Variants in PCDH11X observed in about 807,000 individuals in gnomAD.
PCDH11X encodes the protein protocadherin-11 X-linked.
A neutral mutation model predicts 53.3 loss-of-function variants in PCDH11X; 18 were observed. That is an observed-to-expected ratio of 0.34 (90% CI 0.23 to 0.50). The LOEUF is 0.50. PCDH11X is among the 20% of genes least tolerant of loss of function. PCDH11X has a pLI of 0.98. For missense variants in PCDH11X, 570 were observed against 1,032.4 expected, an observed-to-expected ratio of 0.55 and a Z score of 6.14; for synonymous variants, 279 against 393.3, an observed-to-expected ratio of 0.71 and a Z score of 3.44.
chrX:92,538,088 A>G (rs111820989), intron 10 of PCDH11X, among the ~76,000 whole-genome samples: 2,480 of 104,019 alleles, frequency 0.024, 75 homozygotes, highest in African/African-American at 0.082. Context: ...TATGTCTTTT[A>G]TTAAATTTAC....
At chrX:91,949,825 G>A (rs1404155248) in intron 6 of PCDH11X, among the ~76,000 whole-genome samples, 1 of 108,051 alleles carries the variant, frequency 9.3e-6, no homozygotes, top group Non-Finnish European at 1.9e-5. Context: ...TAAAATTTCA[G>A]TAAAAAAGAA....
chrX:92,527,452 T>G (rs994701770), intron 10 of PCDH11X, among the ~76,000 whole-genome samples: 1 of 110,951 alleles, frequency 9.0e-6, no homozygotes, highest in African/African-American at 3.3e-5. Flanking sequence ...AATAAAAGTA[T>G]TATGATTTCA....
At chrX:92,192,939 A>G (rs753325826) in intron 6 of PCDH11X, among the ~76,000 whole-genome samples, 9 of 111,491 alleles carry the variant, frequency 8.1e-5, no homozygotes, top group African/African-American at 2.3e-4. Context: ...AGGTTTCACC[A>G]TGTTGGCCAG....
At chrX:92,528,262 G>A (rs1277483946) in intron 10 of PCDH11X, among the ~76,000 whole-genome samples, 2 of 112,220 alleles carry the variant, frequency 1.8e-5, no homozygotes, top group African/African-American at 3.2e-5. Context: ...TATCCTGCAT[G>A]TATTTAATGA....
At chrX:92,319,723 G>C (rs1340308031) in intron 8 of PCDH11X, among the ~76,000 whole-genome samples, 6 of 111,210 alleles carry the variant, frequency 5.4e-5, no homozygotes, top group African/African-American at 2.0e-4. Flanking sequence ...ATTATCAGGA[G>C]AGTGAAATGA....
intron 9 of PCDH11X, among the ~76,000 whole-genome samples, chrX:92,389,641 A>G (rs2071082896): frequency 9.0e-6 from 1 of 111,285 alleles, no homozygotes; most frequent in African/African-American, 3.3e-5. Flanking sequence ...TGATAATAAT[A>G]GGAGAATTGG....
At chrX:92,045,871 C>T (rs1426429856) in intron 6 of PCDH11X, among the ~76,000 whole-genome samples, 1 of 107,060 alleles carries the variant, frequency 9.3e-6, no homozygotes, top group Non-Finnish European at 1.9e-5. Context: ...CCTGGAAGGC[C>T]GAGGTTGCAG....
intron 9 of PCDH11X, among the ~76,000 whole-genome samples, chrX:92,462,659 C>T (rs1382782332): frequency 2.7e-5 from 3 of 109,333 alleles, no homozygotes; most frequent in Admixed American, 9.8e-5. Flanking sequence ...ATTATCATAA[C>T]TGCTTCATGT....
chrX:92,450,009 A>G (rs1157615858), intron 9 of PCDH11X, among the ~76,000 whole-genome samples: 1 of 111,444 alleles, frequency 9.0e-6, no homozygotes, highest in Non-Finnish European at 1.9e-5. Flanking sequence ...TATTGAATAA[A>G]TAATAACTTT....
chrX:91,980,619 G>A (rs2062114078), intron 6 of PCDH11X, among the ~76,000 whole-genome samples: 1 of 107,261 alleles, frequency 9.3e-6, no homozygotes, highest in African/African-American at 3.4e-5. Flanking sequence ...GTTTATAGTA[G>A]GGACAAGGTC....
chrX:92,239,914 A>G lies in PCDH11X; in HGVS notation c.3115-23200A>G, dbSNP rs1219528595. On this transcript the variant is annotated intron_variant, in intron 7 of 10. Transcript: ENST00000682573. The stretch of plus-strand genomic sequence containing the variant: ...CACCCTTTTAGAATTTTTAATTTTT[A>G]TCTCAACATTTAATTAGGAGAATGT... Among the ~76,000 whole-genome samples the G allele has an allele frequency of 1.3e-4, 15 of 112,237 alleles. No individual in the cohort carries two copies. The Admixed American group carries it at 1.4e-3, about 11-fold the overall frequency.
At chrX:92,282,953 G>A (rs2068281857) in intron 8 of PCDH11X, among the ~76,000 whole-genome samples, 1 of 111,228 alleles carries the variant, frequency 9.0e-6, no homozygotes, top group South Asian at 3.7e-4. Flanking sequence ...GGAAACATTT[G>A]TCTCTCTATC....
At chrX:91,892,386 A>T (rs1940530288) in intron 6 of PCDH11X, among the ~76,000 whole-genome samples, 1 of 108,511 alleles carries the variant, frequency 9.2e-6, no homozygotes, top group African/African-American at 3.4e-5. Flanking sequence ...AGCCTGACAG[A>T]AAAGCTTCTC....
In PCDH11X at chrX:91,840,004, T is replaced by G. The variant is rs190732459; in HGVS notation, c.540+3960T>G. Among the ~76,000 whole-genome samples, 507 of 111,572 alleles carry G rather than the reference T, an allele frequency of 4.5e-3. 1 individual carries two copies. The highest frequency in any genetic ancestry group is 0.016 in the African/African-American group (486 of 30,771). On this transcript the variant is annotated intron_variant, in intron 5 of 10. Coordinates refer to ENST00000682573, the MANE Select transcript of PCDH11X (RefSeq NM_032968.5). ...ATCACAGATCTCTTTAACTTTCACT[T>G]TTTAATTCAGATGGCCTGTTATTTA...
intron 7 of PCDH11X, among the ~76,000 whole-genome samples, chrX:92,251,495 T>C (rs980079990): frequency 9.0e-6 from 1 of 111,166 alleles, no homozygotes; most frequent in Non-Finnish European, 1.9e-5. Context: ...ATGTAAACTT[T>C]AGAATTGAGC....
Position 91,941,222 on chromosome X carries a change from T to C in PCDH11X, c.3033+61949T>C, listed in dbSNP as rs1465850073. Among the ~76,000 whole-genome samples, 5 of 110,675 alleles carry C rather than the reference T, an allele frequency of 4.5e-5. No homozygotes were observed. The East Asian group carries it at 1.5e-3, about 32-fold the overall frequency. ...GACATAGGACAAACAAAAAAACAAA[T>C]TCTTACAAACAACCAGTAACACCTT... On this transcript the variant is annotated intron_variant, in intron 6 of 10. Coordinates refer to ENST00000682573, the MANE Select transcript of PCDH11X (RefSeq NM_032968.5).
At chrX:92,317,234 C>A (rs1364358629) in intron 8 of PCDH11X, among the ~76,000 whole-genome samples, 4 of 84,895 alleles carry the variant, frequency 4.7e-5, no homozygotes, top group African/African-American at 1.4e-4. Context: ...TACTGATAGA[C>A]CAAAATAGTT....
At chrX:91,981,377 T>A (rs2062135116) in intron 6 of PCDH11X, among the ~76,000 whole-genome samples, 1 of 110,361 alleles carries the variant, frequency 9.1e-6, no homozygotes, top group Non-Finnish European at 1.9e-5. Context: ...GCCGAAATTG[T>A]ATATTCCACA....
At chrX:92,358,758 C>A (rs2070276367) in intron 8 of PCDH11X, among the ~76,000 whole-genome samples, 1 of 104,477 alleles carries the variant, frequency 9.6e-6, no homozygotes, top group African/African-American at 3.5e-5. Flanking sequence ...TATTTTATTC[C>A]ACCTCTGTTA....
Sources: allele counts gnomAD v4.1 joint callset (sites outside exome capture counted in the v4.1 genomes callset), GRCh38; gene constraint gnomAD v4.1.1; transcripts MANE v1.5; gene names NCBI Gene and HGNC (gene_info 2026-07-23, HGNC 2026-07-21).